The following HPSE2 variants were observed in gnomAD, a reference collection of about 807,000 sequenced individuals.
The protein encoded by HPSE2 is heparanase 2 (inactive).
Under a neutral mutation model 60.5 loss-of-function variants are expected in HPSE2, and 38 were observed. The observed-to-expected ratio is 0.63, with a 90% CI of 0.48 to 0.82. The LOEUF is 0.82. HPSE2 is among the 40% of genes least tolerant of loss of function. The pLI is 0.00. For synonymous variants in HPSE2, 295 were observed against 293.2 expected (o/e 1.01, Z -0.06); for missense variants, 713 against 740.4 (o/e 0.96, Z 0.43).
At chr10:99,308,556 G>A in the HPSE2 span, among the ~76,000 whole-genome samples, 1 of 151,734 alleles carries the variant, frequency 6.6e-6, no homozygotes, top group Non-Finnish European at 1.5e-5. Context: ...TTTTCTGTTT[G>A]CCCCAGGAAT....
chr10:99,018,217 C>A (rs572852911), intron 3 of HPSE2, among the ~76,000 whole-genome samples: 17 of 152,264 alleles, frequency 1.1e-4, no homozygotes, highest in African/African-American at 2.9e-4. Flanking sequence ...GCTTACCCAC[C>A]TATAAAATAA....
At chr10:98,733,593 C>A (rs1444324705) in intron 4 of HPSE2, among the ~76,000 whole-genome samples, 7 of 152,170 alleles carry the variant, frequency 4.6e-5, no homozygotes, top group Non-Finnish European at 8.8e-5. Flanking sequence ...AATCACGTCA[C>A]CTCTTTGAAT....
At chr10:99,017,711 C>T in intron 3 of HPSE2, among the ~76,000 whole-genome samples, 1 of 152,100 alleles carries the variant, frequency 6.6e-6, no homozygotes. Flanking sequence ...AAGCCTGTTA[C>T]TTGACGTGGC....
chr10:98,605,385 C>T (rs191698455), intron 9 of HPSE2, among the ~76,000 whole-genome samples: 58 of 152,284 alleles, frequency 3.8e-4, no homozygotes, highest in Non-Finnish European at 6.2e-4. Context: ...TTTTTATGTT[C>T]TACAGAAACT....
chr10:99,017,505 G>T (rs1957169090), intron 3 of HPSE2, among the ~76,000 whole-genome samples: 1 of 152,086 alleles, frequency 6.6e-6, no homozygotes, highest in Non-Finnish European at 1.5e-5. Context: ...TTGGATCTCT[G>T]CCAGGTTTTG....
At chr10:98,801,214 A>T (rs1179919158) in intron 3 of HPSE2, among the ~76,000 whole-genome samples, 1 of 152,170 alleles carries the variant, frequency 6.6e-6, no homozygotes, top group Non-Finnish European at 1.5e-5. Context: ...ATGCCTCAAC[A>T]CATAAAAGCT....
chr10:99,032,795 G>T (rs1481358664), intron 3 of HPSE2, among the ~76,000 whole-genome samples: 2 of 152,056 alleles, frequency 1.3e-5, no homozygotes, highest in East Asian at 1.9e-4. Context: ...CACACTCCTT[G>T]GCTCATAAGC....
At chr10:98,713,788 G>T (rs923662749) in intron 5 of HPSE2, among the ~76,000 whole-genome samples, 1 of 151,884 alleles carries the variant, frequency 6.6e-6, no homozygotes, top group African/African-American at 2.4e-5. Flanking sequence ...TTAAGAAAGT[G>T]CTGCCATAAG....
At position 99,235,691 on chromosome 10, in the gene HPSE2, A is replaced by G; in HGVS notation, c.112T>C (p.Ser38Pro). 6.2e-7 allele frequency: 1 copy of G among 1,613,886 alleles called. No individual in the cohort carries two copies. Among genetic ancestry groups the G allele is most frequent in the Non-Finnish European group, 8.5e-7 (1 of 1,179,984 alleles). Residue 38 changes from serine to proline, a missense_variant, in exon 1 of 12, where the codon TCC (serine) becomes CCC (proline). Transcript: ENST00000370552. ...YLALLLHLSLSSQAGDRRPLP... is the reference protein window; with the variant it reads ...YLALLLHLSLPSQAGDRRPLP... ...GGTCTCCTGTCTCCAGCCTGGGAGG[A>G]AAGGGAGAGATGGAGCAACAGAGCC...
chr10:99,279,177 T>A, the HPSE2 span, among the ~76,000 whole-genome samples: 130,258 of 152,186 alleles, frequency 0.86, 56,107 homozygotes, highest in African/African-American at 0.92. Flanking sequence ...AGACAGAACC[T>A]GTTAGGAAGA....
chr10:99,297,637 A>G, the HPSE2 span, among the ~76,000 whole-genome samples: 1 of 152,146 alleles, frequency 6.6e-6, no homozygotes, highest in East Asian at 1.9e-4. Context: ...GTGGGTAATT[A>G]TAACGAGACA....
At chr10:99,071,489 T>C (rs1421075439) in intron 3 of HPSE2, among the ~76,000 whole-genome samples, 1 of 152,214 alleles carries the variant, frequency 6.6e-6, no homozygotes, top group African/African-American at 2.4e-5. Context: ...TTTGTTAATC[T>C]TTTGTTTGTT....
chr10:98,741,539 C>T (rs578113883), intron 4 of HPSE2, among the ~76,000 whole-genome samples: 5 of 151,392 alleles, frequency 3.3e-5, no homozygotes, highest in Admixed American at 6.6e-5. Flanking sequence ...AACCCACCCC[C>T]GCCACAAAAT....
chr10:99,238,812 G>A (rs1019839767), upstream of HPSE2, among the ~76,000 whole-genome samples: 2 of 152,120 alleles, frequency 1.3e-5, no homozygotes, highest in African/African-American at 4.8e-5. Context: ...CTGCATCTCT[G>A]TTTTGTCTTA....
intron 3 of HPSE2, among the ~76,000 whole-genome samples, chr10:98,942,181 A>G (rs1174746931): frequency 2.2e-5 from 3 of 138,984 alleles, no homozygotes; most frequent in Non-Finnish European, 4.6e-5. Context: ...CAAGGACTTC[A>G]TGTCTAAAAC....
chr10:98,541,963 G>A (rs1365112195), intron 9 of HPSE2, among the ~76,000 whole-genome samples: 2 of 150,094 alleles, frequency 1.3e-5, no homozygotes, highest in African/African-American at 2.4e-5. Context: ...TTTGAAGAGA[G>A]CAGTGGTTCT....
At chr10:99,286,690 T>C in the HPSE2 span, among the ~76,000 whole-genome samples, 2 of 152,222 alleles carry the variant, frequency 1.3e-5, no homozygotes, top group Admixed American at 6.5e-5. Context: ...TTTTCTGTTA[T>C]GTATATTTCA....
chr10:98,919,190 C>A (rs1033604034), intron 3 of HPSE2, among the ~76,000 whole-genome samples: 7 of 152,038 alleles, frequency 4.6e-5, no homozygotes, highest in South Asian at 2.1e-4. Context: ...GTAAAGTGAA[C>A]AAGTAGAGCA....
chr10:99,233,574 T>C (rs1343615649), intron 1 of HPSE2, among the ~76,000 whole-genome samples: 1 of 152,114 alleles, frequency 6.6e-6, no homozygotes, highest in African/African-American at 2.4e-5. Context: ...TCCGGGTCTG[T>C]AAATTATTTT....
Sources: gnomAD v4.1 joint callset for allele counts (sites outside exome capture counted in the v4.1 genomes callset) on GRCh38, gnomAD v4.1.1 for gene constraint, MANE v1.5 for transcripts, NCBI Gene and HGNC (gene_info 2026-07-23, HGNC 2026-07-21) for gene names.